The following LRP1B variants were observed in gnomAD, a reference collection of about 807,000 sequenced individuals.
LRP1B encodes the protein low-density lipoprotein receptor-related protein 1B.
In LRP1B, 217 loss-of-function variants were observed where a neutral mutation model predicts 556.6. That is an observed-to-expected ratio of 0.39 (90% CI 0.35 to 0.44). The LOEUF (loss-of-function observed/expected upper bound fraction) is 0.44. Among genes scored for constraint, LRP1B ranks in the 20% least tolerant of loss-of-function variants. LRP1B has a pLI of 1.00. For synonymous variants in LRP1B, 2,047 were observed against 1,865.8 expected (o/e 1.10, Z -2.50); for missense variants, 5,053 against 5,620.8 (o/e 0.90, Z 3.23).
At chr2:141,095,631 GTTA>G (rs139971857) in intron 7 of LRP1B, among the ~76,000 whole-genome samples, 2,957 of 151,856 alleles carry the variant, frequency 0.019, 98 homozygotes, top group East Asian at 0.14. Flanking sequence ...AGTACATAGA[GTTA>G]TTATTATTAT....
At chr2:142,009,152 C>T (rs1702881712) in intron 1 of LRP1B, among the ~76,000 whole-genome samples, 1 of 152,154 alleles carries the variant, frequency 6.6e-6, no homozygotes, top group African/African-American at 2.4e-5. Flanking sequence ...AGGGTATTTT[C>T]CTCAGCATCT....
intron 7 of LRP1B, among the ~76,000 whole-genome samples, chr2:141,082,306 A>C (rs938384643): frequency 1.3e-5 from 2 of 151,976 alleles, no homozygotes; most frequent in African/African-American, 4.8e-5. Flanking sequence ...GTGAGGTTCA[A>C]ATGAGCAAGT....
At chr2:141,645,714 T>C (rs1268235377) in intron 2 of LRP1B, among the ~76,000 whole-genome samples, 1 of 151,982 alleles carries the variant, frequency 6.6e-6, no homozygotes, top group Non-Finnish European at 1.5e-5. Context: ...GATAAGTCCT[T>C]AGAGACTGGG....
chr2:140,699,995 C>T (rs1377085918), intron 41 of LRP1B, among the ~76,000 whole-genome samples: 2 of 141,950 alleles, frequency 1.4e-5, no homozygotes, highest in Non-Finnish European at 3.0e-5. Context: ...TTATAAGAAA[C>T]ATTATGATAA....
At chr2:140,872,277 T>G (rs1693159732) in intron 25 of LRP1B, among the ~76,000 whole-genome samples, 1 of 151,384 alleles carries the variant, frequency 6.6e-6, no homozygotes, top group African/African-American at 2.4e-5. Flanking sequence ...AAACCGTCTG[T>G]TTTTCCTTAC....
At chr2:141,885,617 G>A (rs533585167) in intron 1 of LRP1B, among the ~76,000 whole-genome samples, 31 of 152,274 alleles carry the variant, frequency 2.0e-4, no homozygotes, top group Middle Eastern at 3.4e-3. Flanking sequence ...ATCCTGCAGC[G>A]TGAATGATCA....
chr2:141,940,940 T>C (rs1436548511), intron 1 of LRP1B, among the ~76,000 whole-genome samples: 1 of 152,196 alleles, frequency 6.6e-6, no homozygotes, highest in African/African-American at 2.4e-5. Flanking sequence ...GACAATGTAA[T>C]AGCCTTTGAT....
chr2:140,508,556 C>T (rs923727776), intron 52 of LRP1B, among the ~76,000 whole-genome samples: 5 of 151,994 alleles, frequency 3.3e-5, no homozygotes, highest in African/African-American at 9.7e-5. Flanking sequence ...TGTATAGAAG[C>T]CACATAGAAG....
intron 7 of LRP1B, among the ~76,000 whole-genome samples, chr2:141,144,367 C>G (rs1259822843): frequency 6.6e-6 from 1 of 152,176 alleles, no homozygotes; most frequent in Non-Finnish European, 1.5e-5. Context: ...AAAAATATAA[C>G]TCTTAGATGT....
At chr2:141,100,659 T>C (rs1333698705) in intron 7 of LRP1B, among the ~76,000 whole-genome samples, 1 of 152,174 alleles carries the variant, frequency 6.6e-6, no homozygotes, top group African/African-American at 2.4e-5. Context: ...GGCCTTTTAT[T>C]CCTTGGATGA....
rs34984689 is a variant in LRP1B, at chr2:141,117,321, T to G, written c.1014-55048A>C. 4.7e-3 allele frequency among the ~76,000 whole-genome samples: 716 copies of G among 151,986 alleles called. 2 individuals are homozygous for G. Among genetic ancestry groups the G allele is most frequent in the Non-Finnish European group, 8.0e-3 (546 of 67,884 alleles). On this transcript the variant is annotated intron_variant, in intron 7 of 90. Transcript: ENST00000389484. ...TACTACTGTTCTTAGAGATAATTCT[T>G]GGTGTTTTGTGTCACTTTTAGTGGA...
chr2:141,367,610 G>C (rs776443782), intron 3 of LRP1B, among the ~76,000 whole-genome samples: 6 of 147,430 alleles, frequency 4.1e-5, no homozygotes, highest in Non-Finnish European at 8.9e-5. Flanking sequence ...AGCCTCCCAA[G>C]TAGCTGGGAC....
chr2:140,825,667 T>C (rs1691477559), intron 31 of LRP1B, among the ~76,000 whole-genome samples: 2 of 152,200 alleles, frequency 1.3e-5, no homozygotes, highest in South Asian at 2.1e-4. Context: ...TGTATTTTGA[T>C]GAATTTAGAT....
chr2:141,193,774 T>TA (rs531545490), intron 6 of LRP1B, among the ~76,000 whole-genome samples: 4,831 of 147,844 alleles, frequency 0.033, 87 homozygotes, highest in Middle Eastern at 0.052. Context: ...AAATCTTGCT[T>TA]AAAAAAAAAA....
At chr2:141,936,187 G>C (rs1016311723) in intron 1 of LRP1B, among the ~76,000 whole-genome samples, 7 of 151,906 alleles carry the variant, frequency 4.6e-5, no homozygotes, top group African/African-American at 1.5e-4. Context: ...TCTACCAAAG[G>C]CATTTAAATT....
chr2:142,120,213 G>T (rs1707412450), intron 1 of LRP1B, among the ~76,000 whole-genome samples: 1 of 152,180 alleles, frequency 6.6e-6, no homozygotes, highest in Admixed American at 6.5e-5. Flanking sequence ...CCAGGCTTAA[G>T]TGATTCTCCT....
intron 83 of LRP1B, among the ~76,000 whole-genome samples, chr2:140,298,934 G>A (rs1683708112): frequency 6.6e-6 from 1 of 152,014 alleles, no homozygotes; most frequent in African/African-American, 2.4e-5. Context: ...AAAATGTAAA[G>A]AAACAACATG....
At chr2:142,096,843 C>T (rs1706389023) in intron 1 of LRP1B, among the ~76,000 whole-genome samples, 1 of 151,448 alleles carries the variant, frequency 6.6e-6, no homozygotes, top group Non-Finnish European at 1.5e-5. Context: ...GAGCATAGTA[C>T]CTAATAGTTT....
intron 6 of LRP1B, among the ~76,000 whole-genome samples, chr2:141,192,499 A>G (rs1681557850): frequency 6.6e-6 from 1 of 151,938 alleles, no homozygotes; most frequent in East Asian, 1.9e-4. Context: ...TGACATTACT[A>G]AAATATCTCA....
Sources: gnomAD v4.1 joint callset for allele counts (sites outside exome capture counted in the v4.1 genomes callset) on GRCh38, gnomAD v4.1.1 for gene constraint, MANE v1.5 for transcripts, NCBI Gene and HGNC (gene_info 2026-07-23, HGNC 2026-07-21) for gene names.